Variants in MFAP3 observed in about 807,000 individuals in gnomAD.
MFAP3 encodes microfibril-associated glycoprotein 3.
In MFAP3, 8 loss-of-function variants were observed where a neutral mutation model predicts 20.5. That is an observed-to-expected ratio of 0.39 (90% CI 0.23 to 0.70). The LOEUF is 0.70. Ranked by LOEUF, MFAP3 falls within the 30% of genes least tolerant of loss-of-function variation. The pLI, the probability that MFAP3 is intolerant of heterozygous loss-of-function variation, is 0.44. For missense variants in MFAP3, 398 were observed against 444.6 expected (o/e 0.90, Z 0.94); for synonymous variants, 140 against 154.0 (o/e 0.91, Z 0.67).
intron 1 of MFAP3, among the ~76,000 whole-genome samples, chr5:154,049,163 A>T (rs1006105137): frequency 1.8e-4 from 27 of 152,244 alleles, no homozygotes; most frequent in African/African-American, 6.3e-4. Context: ...GATCATTAAG[A>T]TAAATATTTT....
chr5:154,053,446 A>C lies in MFAP3; in HGVS notation c.822A>C (p.Arg274Ser), dbSNP rs1213091072. The change falls in exon 3 of 3, where the codon AGA becomes AGC. Residue 274 changes from arginine to serine, a missense_variant. Coordinates refer to ENST00000522782, the MANE Select transcript of MFAP3 (RefSeq NM_005927.5). ...ACCTGGGTGAAAGAATTAAAGAGAG[A>C]CCTGCCTTGAATGCTCAAGGTGGCA... ...PDDLGERIKE[R>S]PALNAQGGIY... 4 of 1,613,806 alleles carry C rather than the reference A, an allele frequency of 2.5e-6. No homozygotes were observed. In the African/African-American group the frequency reaches 4.0e-5, roughly 16 times the overall value.
rs1290147707 is a variant in MFAP3 at position 154,055,444 on chromosome 5, T to A, written c.*1731T>A. Among the ~76,000 whole-genome samples, 1 of 152,216 alleles carries A rather than the reference T, an allele frequency of 6.6e-6. No homozygotes were observed. The highest frequency in any genetic ancestry group is 1.5e-5 in the Non-Finnish European group (1 of 68,028). On this transcript the variant is annotated 3_prime_UTR_variant, in exon 3 of 3. Coordinates refer to ENST00000522782, the MANE Select transcript of MFAP3 (RefSeq NM_005927.5). ...TGCCTTTTCTGTCTCTCAGGCTGTT[T>A]CCATGGAAACCTCTAGAGCCAAATA... is the stretch of plus-strand genomic sequence containing the variant.
intron 2 of MFAP3, among the ~76,000 whole-genome samples, chr5:154,050,380 A>T (rs1773161048): frequency 6.6e-6 from 1 of 152,124 alleles, no homozygotes; most frequent in Admixed American, 6.6e-5. Flanking sequence ...CTAGACTACT[A>T]TGTCAGTAGT....
chr5:154,052,831 T>G (rs1773230737), intron 2 of MFAP3, 89 bp from the exon 3 acceptor site: 1 of 1,145,210 alleles, frequency 8.7e-7, no homozygotes, highest in Non-Finnish European at 1.3e-6. Context: ...TAAAGTACTT[T>G]GATAAAGAGG....
chr5:154,053,629 T>C lies in MFAP3; in HGVS notation c.1005T>C (p.Ser335=). The C allele has an allele frequency of 6.2e-7, 1 of 1,613,946 alleles. No individual in the cohort carries two copies. The highest frequency in any genetic ancestry group is 1.1e-5 in the South Asian group (1 of 91,072). The change falls in exon 3 of 3, where the codon AGT becomes AGC. Residue 335 remains serine (S), a synonymous_variant. Transcript: ENST00000522782. ...TTGATACAGAGTCTCAAGGCAGCAG[T>C]CATTTCAGTCCACCTGATGATATAG... is the stretch of plus-strand genomic sequence containing the variant. The part of the protein sequence containing the change: ...KSIDTESQGS[S]HFSPPDDIGS...
At chr5:154,052,814 G>A in intron 2 of MFAP3, 106 bp from the exon 3 acceptor site, 2 of 968,850 alleles carry the variant, frequency 2.1e-6, no homozygotes, top group African/African-American at 1.6e-5. Flanking sequence ...TAACAAATCA[G>A]CTAAGTTAAA....
At chr5:154,052,719 CT>C (rs966712825) in intron 2 of MFAP3, among the ~76,000 whole-genome samples, 200 bp from the exon 3 acceptor site, 30 of 152,218 alleles carry the variant, frequency 2.0e-4, no homozygotes, top group African/African-American at 7.2e-4. Context: ...TCTTGATTTC[CT>C]TTTAAGATCC....
At chr5:154,051,254 A>G (rs942454420) in intron 2 of MFAP3, among the ~76,000 whole-genome samples, 2 of 152,196 alleles carry the variant, frequency 1.3e-5, no homozygotes, top group African/African-American at 4.8e-5. Flanking sequence ...ATCCTGACCA[A>G]ACACCTCTGA....
intron 1 of MFAP3, among the ~76,000 whole-genome samples, chr5:154,042,920 G>T (rs1364320360): frequency 6.6e-6 from 1 of 151,916 alleles, no homozygotes; most frequent in African/African-American, 2.4e-5. Flanking sequence ...AGTTTCCTCA[G>T]CCAACTTAAT....
intron 1 of MFAP3, 130 bp from the exon 2 acceptor site, chr5:154,049,427 T>G (rs1055193194): frequency 1.4e-5 from 4 of 294,402 alleles, no homozygotes; most frequent in Non-Finnish European, 2.6e-5. Context: ...TTTTAGGTAC[T>G]GTTCCATCTA....
At chr5:154,051,302 G>A (rs1207276659) in intron 2 of MFAP3, among the ~76,000 whole-genome samples, 2 of 152,258 alleles carry the variant, frequency 1.3e-5, no homozygotes, top group East Asian at 3.9e-4. Flanking sequence ...ACTGTAGACT[G>A]ACTGCATAAA....
Position 154,054,318 on chromosome 5 carries a change from A to G in MFAP3, c.*605A>G, listed in dbSNP as rs796578322. The G allele has an allele frequency of 1.4e-4, 23 of 167,424 alleles. No homozygotes were observed. Among genetic ancestry groups the G allele is most frequent in the African/African-American group, 5.5e-4 (23 of 41,596 alleles). 10.4% of individuals were successfully genotyped at this position (167,424 alleles called of 1,614,324 possible). A position where few individuals can be genotyped will look rare whatever the true frequency, so the allele number is the denominator to read the frequency against. Reference sequence around the variant, plus strand: ...TTTGCCATGTGGAGCATATAATGATATGTGCAAGATTGAATCTTTTCAATG... The same window carrying G: ...TTTGCCATGTGGAGCATATAATGATGTGTGCAAGATTGAATCTTTTCAATG... On this transcript the variant is annotated 3_prime_UTR_variant, in exon 3 of 3. Transcript: ENST00000522782.
intron 1 of MFAP3, among the ~76,000 whole-genome samples, chr5:154,043,548 TCACA>T (rs145579460): frequency 6.7e-6 from 1 of 149,226 alleles, no homozygotes; most frequent in Non-Finnish European, 1.5e-5. Context: ...CGAAACTCCG[TCACA>T]CACACACACA....
chr5:154,055,866 C>A lies in MFAP3; in HGVS notation c.*2153C>A, dbSNP rs1773317907. ...TCAAATGATCCTCCTGCCTTACCTC[C>A]CAAAGTGTTGAGATTACAGGCATGA... On this transcript the variant is annotated 3_prime_UTR_variant, in exon 3 of 3. Transcript: ENST00000522782. Among the ~76,000 whole-genome samples, 1 of 152,096 alleles carries A rather than the reference C, an allele frequency of 6.6e-6. No individual in the cohort carries two copies. Among genetic ancestry groups the A allele is most frequent in the African/African-American group, 2.4e-5 (1 of 41,398 alleles).
At position 154,056,221 on chromosome 5, in the gene MFAP3, A is replaced by T. The variant is rs1773328725; in HGVS notation, c.*2508A>T. Among the ~76,000 whole-genome samples, 1 of 152,194 alleles carries T rather than the reference A, an allele frequency of 6.6e-6. No homozygotes were observed. Among genetic ancestry groups the T allele is most frequent in the African/African-American group, 2.4e-5 (1 of 41,446 alleles). On this transcript the variant is annotated 3_prime_UTR_variant, in exon 3 of 3. Coordinates refer to ENST00000522782, the MANE Select transcript of MFAP3 (RefSeq NM_005927.5). Reference sequence around the variant, plus strand: ...AATGCATGCTACTCCGTTGTATCCTAGTTATTTTAGAAACAGAGGTGGCCT... The same window carrying T: ...AATGCATGCTACTCCGTTGTATCCTTGTTATTTTAGAAACAGAGGTGGCCT...
At chr5:154,052,611 C>T (rs1312541939) in intron 2 of MFAP3, among the ~76,000 whole-genome samples, 1 of 152,014 alleles carries the variant, frequency 6.6e-6, no homozygotes, top group Non-Finnish European at 1.5e-5. Context: ...TATGATTAGT[C>T]ATTTAGCATT....
intron 1 of MFAP3, among the ~76,000 whole-genome samples, chr5:154,043,742 A>AT (rs33981356): frequency 0.13 from 18,149 of 142,952 alleles, 1,263 homozygotes; most frequent in African/African-American, 0.16. Context: ...ATATATATAT[A>AT]TTTTTTTTTC....
intron 1 of MFAP3, among the ~76,000 whole-genome samples, chr5:154,048,219 G>A (rs780195223): frequency 9.2e-5 from 14 of 151,972 alleles, no homozygotes; most frequent in African/African-American, 1.7e-4. Flanking sequence ...CTTTTTGTGC[G>A]GTTTTAGGAG....
rs1285282065 is a variant in MFAP3, at chr5:154,056,226, T to C, written c.*2513T>C. ...ATGCTACTCCGTTGTATCCTAGTTA[T>C]TTTAGAAACAGAGGTGGCCTAATTT... On this transcript the variant is annotated 3_prime_UTR_variant, in exon 3 of 3. Transcript: ENST00000522782. Among the ~76,000 whole-genome samples, 1 of 152,216 alleles carries C rather than the reference T, an allele frequency of 6.6e-6. No homozygotes were observed. Among genetic ancestry groups the C allele is most frequent in the Non-Finnish European group, 1.5e-5 (1 of 68,036 alleles).
Sources: gnomAD v4.1 joint callset for allele counts (sites outside exome capture counted in the v4.1 genomes callset) on GRCh38, gnomAD v4.1.1 for gene constraint, MANE v1.5 for transcripts, NCBI Gene and HGNC (gene_info 2026-07-23, HGNC 2026-07-21) for gene names.